Variants in BRWD3 observed in about 807,000 individuals in gnomAD.
The protein encoded by BRWD3 is bromodomain and WD repeat domain containing 3.
BRWD3 carries 10 observed loss-of-function variants against 149.7 expected under a neutral mutation model. The ratio of observed to expected loss-of-function variants is 0.07; its 90% confidence interval spans 0.04 to 0.11. The LOEUF is 0.11. Among genes scored for constraint, BRWD3 ranks in the 10% least tolerant of loss-of-function variants. The pLI is 1.00. For missense variants in BRWD3, 940 were observed against 1,373.2 expected (o/e 0.68, Z 4.99); for synonymous variants, 504 against 456.7 (o/e 1.10, Z -1.32).
rs753721716 is a variant in BRWD3 at position 80,682,076 on chromosome X, T to C, written c.4416A>G (p.Lys1472=). The change falls in exon 39 of 41, where the codon AAA becomes AAG. Residue 1472 remains lysine, a synonymous_variant. Transcript: ENST00000373275. ...CATTTTTAGGCTGCAACTTCATTTG[T>C]TTCTGCTTCCCTTTTGGACTAGAAG... ...SGAPSPKGKQ[K]QMKLQPKNDQ... is the part of the protein sequence containing the mutation. 2 of 1,208,342 alleles carry C rather than the reference T, an allele frequency of 1.7e-6. No homozygotes were observed. Among genetic ancestry groups the C allele is most frequent in the South Asian group, 1.8e-5 (1 of 56,851 alleles).
chrX:80,725,078 A>G lies in BRWD3; in HGVS notation c.1387-11T>C. The G allele has an allele frequency of 5.8e-6, 7 of 1,204,664 alleles. No individual in the cohort carries two copies. Among genetic ancestry groups the G allele is most frequent in the Non-Finnish European group, 7.9e-6 (7 of 890,549 alleles). ...TTCATCATCATGTCCCTATAATAAAAATCAGTATTAACAATGAAAGCAACA... is the reference window on the plus strand; with the variant it reads ...TTCATCATCATGTCCCTATAATAAAGATCAGTATTAACAATGAAAGCAACA... On this transcript the variant is annotated splice_polypyrimidine_tract_variant and intron_variant, in intron 14 of 40. Coordinates refer to ENST00000373275, the MANE Select transcript of BRWD3 (RefSeq NM_153252.5).
chrX:80,795,210 G>C (rs1425020533), intron 4 of BRWD3, among the ~76,000 whole-genome samples: 1 of 110,715 alleles, frequency 9.0e-6, no homozygotes, highest in African/African-American at 3.3e-5. Flanking sequence ...ATACTTAATT[G>C]TTAAAACAAT....
At position 80,765,997 on chromosome X, in the gene BRWD3, A is replaced by C. The variant is rs1209394449; in HGVS notation, c.431-20268T>G. The stretch of plus-strand genomic sequence containing the variant: ...AGTTGACAAAGGGTGAATTTGTGAT[A>C]GTTTTAATGTGTCAACTAGACTGGG... On this transcript the variant is annotated intron_variant, in intron 6 of 40. Coordinates refer to ENST00000373275, the MANE Select transcript of BRWD3 (RefSeq NM_153252.5). 4.5e-5 allele frequency among the ~76,000 whole-genome samples: 5 copies of C among 112,298 alleles called. No homozygotes were observed. The South Asian group carries it at 1.8e-3, about 41-fold the overall frequency.
chrX:80,703,253 A>G (rs1489876547), intron 24 of BRWD3, among the ~76,000 whole-genome samples: 3 of 111,288 alleles, frequency 2.7e-5, no homozygotes, highest in Non-Finnish European at 5.7e-5. Flanking sequence ...ATTTATCTCA[A>G]TATTCAATGA....
intron 38 of BRWD3, 142 bp downstream of exon 38, chrX:80,682,323 C>A: frequency 1.4e-6 from 1 of 716,387 alleles, no homozygotes; most frequent in Non-Finnish European, 2.1e-6. Context: ...TGATTACTAA[C>A]TCTACATAGG....
At chrX:80,790,486 A>G (rs2074169513) in intron 6 of BRWD3, among the ~76,000 whole-genome samples, 2 of 111,756 alleles carry the variant, frequency 1.8e-5, no homozygotes, top group African/African-American at 6.5e-5. Context: ...ATAACATGCC[A>G]GATTTAAAAT....
intron 34 of BRWD3, 32 bp downstream of exon 34, chrX:80,688,037 A>C (rs1439892669): frequency 8.9e-7 from 1 of 1,123,707 alleles, no homozygotes; most frequent in Non-Finnish European, 1.2e-6. Context: ...ACCTGAAAAC[A>C]TATCTCCTCA....
Position 80,703,605 on chromosome X carries a change from A to G in BRWD3, c.2722-12T>C, listed in dbSNP as rs778741032. 1 of 1,119,167 alleles carries G rather than the reference A, an allele frequency of 8.9e-7. No individual in the cohort carries two copies. Among genetic ancestry groups the G allele is most frequent in the South Asian group, 1.9e-5 (1 of 52,481 alleles). 92.2% of individuals were successfully genotyped at this position (1,119,167 alleles called of 1,213,427 possible). A position where few individuals can be genotyped will look rare whatever the true frequency, so the allele number is the denominator to read the frequency against. On this transcript the variant is annotated splice_polypyrimidine_tract_variant and intron_variant, in intron 23 of 40. Transcript: ENST00000373275. ...ACCAGTCCTCCTTTCTAAAACATAA[A>G]TACACGAAAAGTATATGTATAAAAC...
intron 8 of BRWD3, among the ~76,000 whole-genome samples, chrX:80,743,233 C>G (rs1442014838): frequency 8.9e-6 from 1 of 111,735 alleles, no homozygotes; most frequent in Admixed American, 9.5e-5. Flanking sequence ...GCCGTGCATC[C>G]CAGGGATGAA....
At chrX:80,717,896 G>T (rs1300496085) in intron 18 of BRWD3, 137 bp from the exon 19 acceptor site, 2 of 528,464 alleles carry the variant, frequency 3.8e-6, no homozygotes, top group African/African-American at 2.3e-5. Context: ...TATATTTTCT[G>T]TACCCTCCTT....
At chrX:80,687,986 T>G in intron 34 of BRWD3, 83 bp downstream of exon 34, 3 of 720,047 alleles carry the variant, frequency 4.2e-6, no homozygotes, top group Non-Finnish European at 4.4e-6. Flanking sequence ...CTAGCAATTC[T>G]CCAAATATGG....
Position 80,745,745 on chromosome X carries a change from A to T in BRWD3, c.431-16T>A. On this transcript the variant is annotated splice_polypyrimidine_tract_variant and intron_variant, in intron 6 of 40. Transcript: ENST00000373275. ...GTGATATTCACTGAAAAAAATACGA[A>T]ATTAACTTAAAACTTAAAAGTGAAA... is the stretch of plus-strand genomic sequence containing the variant. 1 of 1,180,971 alleles carries T rather than the reference A, an allele frequency of 8.5e-7. No individual in the cohort carries two copies. Among genetic ancestry groups the T allele is most frequent in the Non-Finnish European group, 1.1e-6 (1 of 874,399 alleles).
At chrX:80,690,595 A>G (rs909962797) in intron 31 of BRWD3, among the ~76,000 whole-genome samples, 1 of 111,357 alleles carries the variant, frequency 9.0e-6, no homozygotes, top group African/African-American at 3.3e-5. Context: ...GGACCAAGAT[A>G]TGCCCTCTAC....
rs191105042 is a variant in BRWD3, at chrX:80,761,073, T to C, written c.431-15344A>G. On this transcript the variant is annotated intron_variant, in intron 6 of 40. Transcript: ENST00000373275. ...TAAAACCTATTGGTTAGCTTAGTAT[T>C]AGACCCTCAATATTAACTGGTGATA... Among the ~76,000 whole-genome samples the C allele has an allele frequency of 1.1e-3, 123 of 110,924 alleles. 2 individuals are homozygous for C. The Admixed American group carries it at 0.011, about 10-fold the overall frequency.
chrX:80,797,867 G>A (rs745657741), intron 4 of BRWD3, among the ~76,000 whole-genome samples: 1 of 110,911 alleles, frequency 9.0e-6, no homozygotes, highest in Admixed American at 9.7e-5. Flanking sequence ...AGGCCGAGGC[G>A]GATGGATCAC....
intron 6 of BRWD3, among the ~76,000 whole-genome samples, chrX:80,785,622 G>A (rs2074100570): frequency 8.9e-6 from 1 of 112,333 alleles, no homozygotes; most frequent in Non-Finnish European, 1.9e-5. Context: ...TTTGGCCAAA[G>A]TCTGTTGTAA....
chrX:80,756,012 T>C (rs1305447403), intron 6 of BRWD3, among the ~76,000 whole-genome samples: 2 of 111,948 alleles, frequency 1.8e-5, no homozygotes, highest in Non-Finnish European at 3.8e-5. Flanking sequence ...TACATTTTTA[T>C]CTTAAACATA....
At position 80,735,464 on chromosome X, in the gene BRWD3, G is replaced by A. The variant is rs773805416; in HGVS notation, c.915-267C>T. On this transcript the variant is annotated intron_variant, in intron 9 of 40. Coordinates refer to ENST00000373275, the MANE Select transcript of BRWD3 (RefSeq NM_153252.5). ...ATGAGAAATCTTCTTACCAAAGTAA[G>A]AAATGAAACAAATAAAATCCTACCA... Among the ~76,000 whole-genome samples, 28 of 111,433 alleles carry A rather than the reference G, an allele frequency of 2.5e-4. 1 individual carries two copies. Among genetic ancestry groups the A allele is most frequent in the Middle Eastern group, 9.3e-3 (2 of 214 alleles).
intron 12 of BRWD3, chrX:80,733,153 G>T: frequency 2.4e-5 from 4 of 169,098 alleles, no homozygotes; most frequent in Non-Finnish European, 3.3e-5. Flanking sequence ...AAAGAACAAT[G>T]TTACACTGGC....
Sources: allele counts gnomAD v4.1 joint callset (sites outside exome capture counted in the v4.1 genomes callset), GRCh38; gene constraint gnomAD v4.1.1; transcripts MANE v1.5; gene names NCBI Gene and HGNC (gene_info 2026-07-23, HGNC 2026-07-21).